CHRM3: variants seen among roughly 807,000 people sequenced by gnomAD.
CHRM3 encodes cholinergic receptor muscarinic 3, also known as muscarinic acetylcholine receptor M3.
A neutral mutation model predicts 41.8 loss-of-function variants in CHRM3; 11 were observed. The ratio of observed to expected loss-of-function variants is 0.26; its 90% confidence interval spans 0.17 to 0.44. The LOEUF (loss-of-function observed/expected upper bound fraction) is 0.44, where lower values mean the gene tolerates loss of function less well. Among genes scored for constraint, CHRM3 ranks in the 20% least tolerant of loss-of-function variants. CHRM3 has a pLI of 1.00. For synonymous variants in CHRM3, 297 were observed against 301.4 expected (o/e 0.99, Z 0.15); for missense variants, 571 against 745.4 (o/e 0.77, Z 2.72).
At chr1:239,900,581 T>C (rs551731947) in intron 6 of CHRM3, among the ~76,000 whole-genome samples, 99 of 152,074 alleles carry the variant, frequency 6.5e-4, no homozygotes, top group Non-Finnish European at 1.3e-3. Flanking sequence ...TATAGGGACA[T>C]TGTCTTCCTT....
intron 5 of CHRM3, among the ~76,000 whole-genome samples, chr1:239,754,292 G>A (rs73122558): frequency 0.035 from 5,283 of 152,282 alleles, 284 homozygotes; most frequent in African/African-American, 0.12. Flanking sequence ...TCATTTGCAT[G>A]TTGACCCACC....
At chr1:239,453,803 A>T (rs550193828) in intron 1 of CHRM3, among the ~76,000 whole-genome samples, 1 of 152,092 alleles carries the variant, frequency 6.6e-6, no homozygotes, top group South Asian at 2.1e-4. Flanking sequence ...ATGGCGGCAG[A>T]TGTCTGTGAA....
intron 6 of CHRM3, among the ~76,000 whole-genome samples, chr1:239,839,267 C>A (rs761075520): frequency 2.6e-5 from 4 of 152,202 alleles, no homozygotes; most frequent in African/African-American, 9.6e-5. Flanking sequence ...CACTGCCTCT[C>A]GATCTATATC....
chr1:239,485,640 G>T (rs1378346656), intron 1 of CHRM3, among the ~76,000 whole-genome samples: 1 of 152,142 alleles, frequency 6.6e-6, no homozygotes, highest in Non-Finnish European at 1.5e-5. Context: ...TGATCTTAAA[G>T]ATTGCCTCCC....
chr1:239,657,392 A>G (rs574393957), intron 4 of CHRM3, among the ~76,000 whole-genome samples: 1 of 152,282 alleles, frequency 6.6e-6, no homozygotes, highest in African/African-American at 2.4e-5. Context: ...ATTTACCTGA[A>G]ACTGAGAGAG....
intron 5 of CHRM3, among the ~76,000 whole-genome samples, chr1:239,688,569 G>A (rs1288668364): frequency 1.5e-5 from 2 of 129,478 alleles, no homozygotes; most frequent in South Asian, 2.3e-4. Context: ...TATATTATAT[G>A]ATATTATATA....
At chr1:239,521,474 C>A (rs1669632468) in intron 2 of CHRM3, among the ~76,000 whole-genome samples, 1 of 152,258 alleles carries the variant, frequency 6.6e-6, no homozygotes, top group East Asian at 1.9e-4. Context: ...CTCTGGAATT[C>A]TCAAGTGGTG....
intron 2 of CHRM3, among the ~76,000 whole-genome samples, chr1:239,524,029 T>C (rs932205617): frequency 2.0e-5 from 3 of 152,208 alleles, no homozygotes; most frequent in African/African-American, 7.2e-5. Flanking sequence ...ATGGTCGTCT[T>C]GTAAAATTTA....
At chr1:239,512,426 G>A (rs1668983992) in intron 2 of CHRM3, among the ~76,000 whole-genome samples, 1 of 152,162 alleles carries the variant, frequency 6.6e-6, no homozygotes, top group Admixed American at 6.5e-5. Flanking sequence ...GGCCTGTGAA[G>A]CAGCCGAGAC....
intron 4 of CHRM3, among the ~76,000 whole-genome samples, chr1:239,668,033 CT>C (rs200752537): frequency 1.5e-5 from 2 of 133,522 alleles, no homozygotes; most frequent in Admixed American, 7.4e-5. Context: ...AAAGTGTTCT[CT>C]TTTTTTTATC....
intron 5 of CHRM3, among the ~76,000 whole-genome samples, chr1:239,816,501 G>A (rs1487401273): frequency 6.6e-6 from 1 of 152,114 alleles, no homozygotes; most frequent in Non-Finnish European, 1.5e-5. Flanking sequence ...ACAGGCAGAA[G>A]AGGGAGGGAA....
Position 239,788,193 on chromosome 1 carries a change from A to G in CHRM3, c.-146-39059A>G, listed in dbSNP as rs76523602. 4.2e-3 allele frequency among the ~76,000 whole-genome samples: 642 copies of G among 152,248 alleles called. 7 individuals are homozygous for G. Among genetic ancestry groups the G allele is most frequent in the African/African-American group, 0.015 (619 of 41,546 alleles). The stretch of plus-strand genomic sequence containing the variant: ...TGAGGCTCTAGTGAGTCATGATCAC[A>G]CTACTGCACTCCAGCCTGCCTGGTA... On this transcript the variant is annotated intron_variant, in intron 5 of 6. Transcript: ENST00000676153.
chr1:239,848,041 A>G (rs542230979), intron 6 of CHRM3, among the ~76,000 whole-genome samples: 4 of 146,322 alleles, frequency 2.7e-5, no homozygotes, highest in Admixed American at 6.7e-5. Context: ...CAAAACCACC[A>G]TTTAACACAG....
intron 1 of CHRM3, among the ~76,000 whole-genome samples, chr1:239,481,729 C>A (rs1666867040): frequency 6.6e-6 from 1 of 152,152 alleles, no homozygotes; most frequent in African/African-American, 2.4e-5. Flanking sequence ...CAGCTAATTA[C>A]TGGATGAGTG....
chr1:239,768,966 C>T (rs957111156), intron 5 of CHRM3, among the ~76,000 whole-genome samples: 4 of 152,146 alleles, frequency 2.6e-5, no homozygotes, highest in African/African-American at 7.2e-5. Context: ...ATTTTCACCA[C>T]GTTGCCCAGG....
intron 1 of CHRM3, among the ~76,000 whole-genome samples, chr1:239,412,447 G>A (rs1235807365): frequency 6.8e-6 from 1 of 146,252 alleles, no homozygotes; most frequent in Non-Finnish European, 1.5e-5. Flanking sequence ...GATAGTCTTG[G>A]GGTTTCCTTC....
At chr1:239,815,708 A>C (rs1003036277) in intron 5 of CHRM3, among the ~76,000 whole-genome samples, 1 of 152,238 alleles carries the variant, frequency 6.6e-6, no homozygotes, top group Non-Finnish European at 1.5e-5. Flanking sequence ...ACAAAATGAT[A>C]GCTGAACAAT....
At chr1:239,427,090 G>T (rs915401927) in intron 1 of CHRM3, among the ~76,000 whole-genome samples, 2 of 152,240 alleles carry the variant, frequency 1.3e-5, no homozygotes, top group East Asian at 1.9e-4. Context: ...TGCAATACGT[G>T]TGTGAAAATT....
At position 239,764,001 on chromosome 1, in the gene CHRM3, G is replaced by A. The variant is rs186380198; in HGVS notation, c.-146-63251G>A. On this transcript the variant is annotated intron_variant, in intron 5 of 6. Coordinates refer to ENST00000676153, the MANE Select transcript of CHRM3 (RefSeq NM_001375978.1). ...CAGCTGCTCAGGAGCTGAGGTGGGA[G>A]GATGGCTTGAGCCCAGCAGTTTGAG... Among the ~76,000 whole-genome samples, 28 of 151,882 alleles carry A rather than the reference G, an allele frequency of 1.8e-4. No individual in the cohort carries two copies. In the East Asian group the frequency reaches 4.3e-3, roughly 23 times the overall value.
Sources: allele counts gnomAD v4.1 joint callset (sites outside exome capture counted in the v4.1 genomes callset), GRCh38; gene constraint gnomAD v4.1.1; transcripts MANE v1.5; gene names NCBI Gene and HGNC (gene_info 2026-07-23, HGNC 2026-07-21).